CHODL: variants seen among roughly 807,000 people sequenced by gnomAD.
The protein encoded by CHODL is transmembrane protein MT75.
In CHODL, 29 loss-of-function variants were observed where a neutral mutation model predicts 34.5. The observed-to-expected ratio is 0.84, with a 90% confidence interval of 0.63 to 1.15. The LOEUF is 1.15. CHODL is among the 50% of genes most tolerant of loss of function. The pLI is 0.00. For synonymous variants in CHODL, 125 were observed against 116.1 expected (o/e 1.08, Z -0.49); for missense variants, 332 against 332.5 (o/e 1.00, Z 0.01).
intron 2 of CHODL, among the ~76,000 whole-genome samples, chr21:18,060,530 TGGAAGCCTGGATATAGTAC>T (rs1359172780): frequency 6.6e-6 from 1 of 151,712 alleles, no homozygotes; most frequent in African/African-American, 2.4e-5. Flanking sequence ...TCCAGGAAAC[TGGAAGCCTGGATATAGTAC>T]CCATCAGGGC....
intron 2 of CHODL, among the ~76,000 whole-genome samples, chr21:18,228,862 A>G (rs75274884): frequency 2.0e-5 from 3 of 152,166 alleles, no homozygotes; most frequent in South Asian, 4.1e-4. Flanking sequence ...ACTAAATTCA[A>G]TTACAAGTAT....
chr21:18,023,048 A>T (rs2064142128), intron 1 of CHODL, among the ~76,000 whole-genome samples: 1 of 152,186 alleles, frequency 6.6e-6, no homozygotes, highest in South Asian at 2.1e-4. Flanking sequence ...GAATGATCTC[A>T]TAGTTATATG....
rs142290368 is a variant in CHODL, at chr21:17,995,911, C to A, written c.-144-31961C>A. On this transcript the variant is annotated intron_variant, in intron 1 of 6. Transcript: ENST00000400127. ...CCTCCAGGTGAGATGAAAGTATCTC[C>A]TACATCTGTATTTGATCCATTTTGT... is the stretch of plus-strand genomic sequence containing the variant. Among the ~76,000 whole-genome samples, 829 of 152,326 alleles carry A rather than the reference C, an allele frequency of 5.4e-3. 7 individuals carry two copies. The highest frequency in any genetic ancestry group is 0.013 in the African/African-American group (548 of 41,580).
At chr21:18,053,304 A>T (rs917913381) in intron 2 of CHODL, among the ~76,000 whole-genome samples, 15 of 151,984 alleles carry the variant, frequency 9.9e-5, no homozygotes, top group African/African-American at 3.4e-4. Flanking sequence ...TCTTTACATC[A>T]TTGTAATTGG....
At chr21:17,957,857 CTGTT>C (rs1449493125) in intron 1 of CHODL, among the ~76,000 whole-genome samples, 2 of 151,628 alleles carry the variant, frequency 1.3e-5, no homozygotes, top group Non-Finnish European at 2.9e-5. Context: ...TTGGGAGTGT[CTGTT>C]TGACCTTACC....
intron 1 of CHODL, among the ~76,000 whole-genome samples, chr21:17,985,346 T>C (rs1009085559): frequency 2.0e-5 from 3 of 152,350 alleles, no homozygotes; most frequent in Admixed American, 2.0e-4. Context: ...TTGAGTTATC[T>C]GCTTCTCAAC....
chr21:17,921,464 T>C (rs528414580), intron 1 of CHODL, among the ~76,000 whole-genome samples: 2 of 152,352 alleles, frequency 1.3e-5, no homozygotes, highest in African/African-American at 2.4e-5. Flanking sequence ...TTGTGTACAA[T>C]CTTCCATGCT....
chr21:18,244,113 C>T (rs2074107816), upstream of CHODL, among the ~76,000 whole-genome samples: 2 of 152,128 alleles, frequency 1.3e-5, no homozygotes, highest in South Asian at 4.1e-4. Flanking sequence ...TGCAGGTTTT[C>T]CAATGAGCTT....
intron 2 of CHODL, among the ~76,000 whole-genome samples, chr21:18,179,011 CA>C (rs1230663307): frequency 6.6e-6 from 1 of 152,038 alleles, no homozygotes; most frequent in Non-Finnish European, 1.5e-5. Context: ...GCCAGTTTTC[CA>C]AAACCCTTTC....
At chr21:18,031,448 G>A (rs1050554673) in intron 2 of CHODL, among the ~76,000 whole-genome samples, 1 of 152,086 alleles carries the variant, frequency 6.6e-6, no homozygotes, top group Non-Finnish European at 1.5e-5. Flanking sequence ...AAGAATTTCA[G>A]AAGGCTTAAG....
intron 1 of CHODL, among the ~76,000 whole-genome samples, chr21:17,970,263 A>C (rs1192032960): frequency 1.3e-5 from 2 of 152,092 alleles, no homozygotes; most frequent in African/African-American, 2.4e-5. Flanking sequence ...CTCTATTTAC[A>C]TTTCTTAATC....
chr21:18,111,903 T>G lies in CHODL; in HGVS notation c.-45+83932T>G, dbSNP rs547513298. On this transcript the variant is annotated intron_variant, in intron 2 of 6. Transcript: ENST00000400127. ...AACTCAGGTGGAAATTCATGTTTAC[T>G]CTAGGAGCAAAACTCACTCAGCAAA... is the stretch of plus-strand genomic sequence containing the variant. Among the ~76,000 whole-genome samples the G allele has an allele frequency of 5.9e-5, 9 of 152,326 alleles. 1 individual carries two copies. In the South Asian group the frequency reaches 1.9e-3, roughly 32 times the overall value.
At chr21:18,082,838 T>C (rs2064958757) in intron 2 of CHODL, among the ~76,000 whole-genome samples, 1 of 151,614 alleles carries the variant, frequency 6.6e-6, no homozygotes, top group East Asian at 1.9e-4. Flanking sequence ...CACAAAGAGA[T>C]GGTCTGAAAT....
At chr21:18,221,673 T>A (rs151004775) in intron 2 of CHODL, among the ~76,000 whole-genome samples, 15 of 152,360 alleles carry the variant, frequency 9.8e-5, no homozygotes, top group African/African-American at 3.6e-4. Flanking sequence ...TTCTTTAGTG[T>A]CTCAGGCTGC....
At chr21:18,063,681 A>G (rs1235922708) in intron 2 of CHODL, among the ~76,000 whole-genome samples, 3 of 152,252 alleles carry the variant, frequency 2.0e-5, no homozygotes, top group Non-Finnish European at 4.4e-5. Context: ...CAGGAGATTT[A>G]CAATTTGTAA....
chr21:18,012,648 TG>T (rs777918367), intron 1 of CHODL, among the ~76,000 whole-genome samples: 1 of 152,208 alleles, frequency 6.6e-6, no homozygotes, highest in East Asian at 1.9e-4. Context: ...GTTTCAGGTC[TG>T]TGTACTCTCT....
chr21:17,926,582 C>T (rs2063225115), intron 1 of CHODL, among the ~76,000 whole-genome samples: 1 of 152,058 alleles, frequency 6.6e-6, no homozygotes, highest in Admixed American at 6.6e-5. Context: ...TGGAGAGATG[C>T]AAGCAGGGGA....
chr21:18,081,119 G>A (rs925325147), intron 2 of CHODL, among the ~76,000 whole-genome samples: 14 of 151,844 alleles, frequency 9.2e-5, no homozygotes, highest in Admixed American at 2.0e-4. Context: ...AATTGCCTTC[G>A]GATTTTGTCG....
Position 18,256,629 on chromosome 21 carries a change from T to G in CHODL, c.200T>G (p.Val67Gly). 1 of 1,612,170 alleles carries G rather than the reference T, an allele frequency of 6.2e-7. No individual in the cohort carries two copies. The highest frequency in any genetic ancestry group is 1.1e-5 in the South Asian group (1 of 90,984). The change falls in exon 2 of 6, where the codon GTC (valine) becomes GGC (glycine). Residue 67 changes from valine (V) to glycine (G), a missense_variant. Physicochemically the swap from Val to Gly is moderately radical, Grantham distance 109. Coordinates refer to ENST00000299295, the MANE Select transcript of CHODL (RefSeq NM_024944.3). The part of the protein sequence containing the change: ...ARLACESEGG[V>G]LLSLENEAEQ... Reference sequence around the variant, plus strand: ...CTGGCTTGTGAGAGTGAGGGAGGAGTCCTCCTCAGCCTTGAGAATGAAGCA... The same window carrying G: ...CTGGCTTGTGAGAGTGAGGGAGGAGGCCTCCTCAGCCTTGAGAATGAAGCA...
Sources: allele counts gnomAD v4.1 joint callset (sites outside exome capture counted in the v4.1 genomes callset), GRCh38; gene constraint gnomAD v4.1.1; transcripts MANE v1.5; gene names NCBI Gene and HGNC (gene_info 2026-07-23, HGNC 2026-07-21).